The following PARD6G variants were observed in gnomAD, a reference collection of about 807,000 sequenced individuals.
The protein encoded by PARD6G is partitioning defective 6 homolog gamma.
Under a neutral mutation model 10.7 loss-of-function variants are expected in PARD6G, and 7 were observed. The observed-to-expected ratio is 0.66, with a 90% CI of 0.37 to 1.23. The LOEUF is 1.23. Ranked by LOEUF, PARD6G falls within the 50% of genes most tolerant of loss-of-function variation. PARD6G has a pLI of 0.02. For missense variants in PARD6G, 548 were observed against 571.8 expected, an observed-to-expected ratio of 0.96 and a Z score of 0.42; for synonymous variants, 287 against 269.4, an observed-to-expected ratio of 1.07 and a Z score of -0.64.
intron 2 of PARD6G, among the ~76,000 whole-genome samples, chr18:80,163,705 A>C (rs912020418): frequency 1.3e-5 from 2 of 152,244 alleles, no homozygotes; most frequent in African/African-American, 4.8e-5. Context: ...AGAGAAGGGC[A>C]CAGCGGGCCG....
intron 1 of PARD6G, among the ~76,000 whole-genome samples, chr18:80,206,815 T>A (rs1006240546): frequency 2.0e-5 from 3 of 152,260 alleles, no homozygotes; most frequent in Non-Finnish European, 4.4e-5. Flanking sequence ...GGCTAGTGAT[T>A]ATCAATAAAT....
In PARD6G at chr18:80,246,616, TG is replaced by T. The variant is rs1967551878; in HGVS notation, c.72+660del. Among the ~76,000 whole-genome samples, 2 of 6,684 alleles carry T rather than the reference TG, an allele frequency of 3.0e-4. No individual in the cohort carries two copies. Among genetic ancestry groups the T allele is most frequent in the African/African-American group, 1.4e-3 (2 of 1,474 alleles). 4.4% of individuals were successfully genotyped at this position (6,684 alleles called of 152,430 possible). ...CGTCCGGAGGTGGGGGAGTCTGGGG[TG>T]GGGGCGCGCCCGTGGGGGTGGGGTG... is the stretch of plus-strand genomic sequence containing the variant. On this transcript the variant is annotated intron_variant, in intron 1 of 2. Transcript: ENST00000353265. This position sits in a 1 kb window ranked among gnomAD's most constrained non-coding sequence, Gnocchi z 6.7.
chr18:80,237,511 T>C (rs548267446), intron 1 of PARD6G, among the ~76,000 whole-genome samples: 1 of 152,262 alleles, frequency 6.6e-6, no homozygotes, highest in South Asian at 2.1e-4. Context: ...GGGATCTAAT[T>C]AAACTAAAGA....
At chr18:80,160,677 T>C (rs1171952310) in intron 2 of PARD6G, 71 bp from the exon 3 acceptor site, 21 of 1,424,126 alleles carry the variant, frequency 1.5e-5, no homozygotes, top group Non-Finnish European at 1.8e-5. Context: ...GTCATACACC[T>C]GGCACTGCTG....
chr18:80,160,570 A>C lies in PARD6G; in HGVS notation c.332T>G (p.Leu111Arg), dbSNP rs552960512. ...GCCCAGCGCCCGCCTCCGCCTGCACAGCGAGCCCGCGCCGAGGCTGCCACG... is the reference window on the plus strand; with the variant it reads ...GCCCAGCGCCCGCCTCCGCCTGCACCGCGAGCCCGCGCCGAGGCTGCCACG... ...AERGSLGAGS[L>R]CRRRRALGAL... is the part of the protein sequence containing the mutation. The change falls in exon 3 of 3, where the codon CTG (leucine) becomes CGG (arginine). Residue 111 changes from leucine to arginine, a missense_variant. Leu to Arg is a moderately radical substitution (Grantham distance 102). Around this residue, in one of 2 missense-constraint regions of PARD6G, gnomAD observed 235 missense variants for 291.9 expected, o/e 0.81. Transcript: ENST00000353265. The C allele has an allele frequency of 1.1e-4, 163 of 1,465,956 alleles. 3 individuals are homozygous for C. The South Asian group carries it at 2.3e-3, about 20-fold the overall frequency. The allele number at this position is 1,465,956 out of a possible 1,614,324, so 90.8% of individuals were successfully genotyped here.
At chr18:80,221,937 A>G (rs1350130745) in intron 1 of PARD6G, among the ~76,000 whole-genome samples, 15 of 152,228 alleles carry the variant, frequency 9.9e-5, no homozygotes. Context: ...TTCCATTAAC[A>G]ATAGCATTAC....
chr18:80,159,845 G>C lies in PARD6G; in HGVS notation c.1057C>G (p.Arg353Gly), dbSNP rs769483897. The C allele has an allele frequency of 2.7e-6, 4 of 1,497,818 alleles. No homozygotes were observed. The highest frequency in any genetic ancestry group is 1.5e-5 in the African/African-American group (1 of 68,184). The allele number at this position is 1,497,818 out of a possible 1,614,324, so 92.8% of individuals were successfully genotyped here. A position where few individuals can be genotyped will look rare whatever the true frequency, so the allele number is the denominator to read the frequency against. ...GGLQRLLSSL[R>G]ADPRHSLALP... The stretch of plus-strand genomic sequence containing the variant: ...GCCAGGCTGTGACGGGGGTCGGCCC[G>C]CAGGGAGCTGAGCAGCCGCTGGAGG... Residue 353 changes from arginine to glycine, a missense_variant, in exon 3 of 3, where the codon CGG becomes GGG. Transcript: ENST00000353265.
At chr18:80,179,583 T>C (rs1369450400) in intron 2 of PARD6G, among the ~76,000 whole-genome samples, 1 of 152,176 alleles carries the variant, frequency 6.6e-6, no homozygotes, top group Non-Finnish European at 1.5e-5. Context: ...AGCTGTTCCA[T>C]GCAAAGACTT....
At chr18:80,168,624 C>CTTT (rs958609718) in intron 2 of PARD6G, among the ~76,000 whole-genome samples, 1 of 137,150 alleles carries the variant, frequency 7.3e-6, no homozygotes, top group Non-Finnish European at 1.6e-5. Flanking sequence ...TATGTATAAA[C>CTTT]TTTTTTTTTT....
chr18:80,195,958 T>C (rs1966952949), intron 2 of PARD6G, among the ~76,000 whole-genome samples: 1 of 151,772 alleles, frequency 6.6e-6, no homozygotes. Flanking sequence ...AAAAGAGTGG[T>C]CCCCTGGCAA....
In PARD6G at chr18:80,159,944, C is replaced by T. The variant is rs1343916360; in HGVS notation, c.958G>A (p.Ala320Thr). Residue 320 changes from alanine to threonine, a missense_variant, in exon 3 of 3, where the codon GCA becomes ACA. Physicochemically the swap from Ala to Thr is moderately conservative, Grantham distance 58. This residue lies in a region of PARD6G where 313 missense variants were observed against 279.9 expected (regional missense o/e 1.12). Coordinates refer to ENST00000353265, the MANE Select transcript of PARD6G (RefSeq NM_032510.4). ...ARPPQTPGAP[A>T]GSLSRVNGAG... Reference sequence around the variant, plus strand: ...CCATTGACCCGGGAGAGGCTGCCTGCGGGCGCGCCCGGGGTCTGGGGGGGA... The same window carrying T: ...CCATTGACCCGGGAGAGGCTGCCTGTGGGCGCGCCCGGGGTCTGGGGGGGA... 2 of 1,495,554 alleles carry T rather than the reference C, an allele frequency of 1.3e-6. No homozygotes were observed. Among genetic ancestry groups the T allele is most frequent in the East Asian group, 2.5e-5 (1 of 39,240 alleles). 92.6% of individuals were successfully genotyped at this position (1,495,554 alleles called of 1,614,324 possible).
rs1418572110 is a variant in PARD6G at position 80,157,462 on chromosome 18, G to C, written c.*2309C>G. ...ATTTCTTAAAAAAAAACTCACATTTGCTTAACAACTTAAAATGTGATAAGA... is the reference window on the plus strand; with the variant it reads ...ATTTCTTAAAAAAAAACTCACATTTCCTTAACAACTTAAAATGTGATAAGA... On this transcript the variant is annotated 3_prime_UTR_variant, in exon 3 of 3. Transcript: ENST00000353265. 2.0e-5 allele frequency: 3 copies of C among 152,090 alleles called. No homozygotes were observed. The highest frequency in any genetic ancestry group is 2.0e-4 in the Admixed American group (3 of 15,280). The allele number at this position is 152,090 out of a possible 1,614,324, so 9.4% of individuals were successfully genotyped here. A position where few individuals can be genotyped will look rare whatever the true frequency, so the allele number is the denominator to read the frequency against.
chr18:80,201,176 A>C lies in PARD6G; in HGVS notation c.295+1534T>G, dbSNP rs1398726768. Among the ~76,000 whole-genome samples the C allele has an allele frequency of 6.6e-6, 1 of 152,178 alleles. No individual in the cohort carries two copies. Among genetic ancestry groups the C allele is most frequent in the Non-Finnish European group, 1.5e-5 (1 of 68,026 alleles). The stretch of plus-strand genomic sequence containing the variant: ...CAGAGGAAGCCGAGTAAGAGGACAG[A>C]GGACGACAGGCAGAGGGGAACACGG... On this transcript the variant is annotated intron_variant, in intron 2 of 2. Coordinates refer to ENST00000353265, the MANE Select transcript of PARD6G (RefSeq NM_032510.4). The surrounding 1 kb of genome is among the most constrained non-coding windows in gnomAD (Gnocchi z 5.9).
Position 80,202,891 on chromosome 18 carries a change from C to T in PARD6G, c.114G>A (p.Lys38=). 1 of 1,598,950 alleles carries T rather than the reference C, an allele frequency of 6.3e-7. No homozygotes were observed. Among genetic ancestry groups the T allele is most frequent in the Non-Finnish European group, 8.5e-7 (1 of 1,177,474 alleles). The change falls in exon 2 of 3, where the codon AAG becomes AAA. Residue 38 remains lysine (K), a synonymous_variant. Transcript: ENST00000353265. The part of the protein sequence containing the change: ...EFRRFSLDRH[K]PGKFEDFYKL... ...TGTAGAAATCTTCAAACTTCCCAGGCTTATGACGGTCCAGAGAGAACCTTC... is the reference window on the plus strand; with the variant it reads ...TGTAGAAATCTTCAAACTTCCCAGGTTTATGACGGTCCAGAGAGAACCTTC...
chr18:80,207,592 C>T (rs1210571333), intron 1 of PARD6G, among the ~76,000 whole-genome samples: 1 of 152,148 alleles, frequency 6.6e-6, no homozygotes, highest in Admixed American at 6.5e-5. Flanking sequence ...CAATCTATTT[C>T]ATTTATAATT....
intron 2 of PARD6G, among the ~76,000 whole-genome samples, chr18:80,195,572 T>TATATATATATATATATATACAC (rs894731117): frequency 1.1e-5 from 1 of 87,336 alleles, no homozygotes; most frequent in African/African-American, 5.9e-5. Flanking sequence ...TATATATATA[T>TATATATATATATATATATACAC]ACACACATTT....
At chr18:80,212,031 G>A (rs1428015176) in intron 1 of PARD6G, among the ~76,000 whole-genome samples, 2 of 152,112 alleles carry the variant, frequency 1.3e-5, no homozygotes, top group Non-Finnish European at 2.9e-5. Flanking sequence ...TTCATTCAAT[G>A]TTATTTCACT....
Position 80,192,524 on chromosome 18 carries a change from A to C in PARD6G, c.295+10186T>G, listed in dbSNP as rs994018237. ...CAGGGGACGGGGGAGAGCAGGTGCC[A>C]CGGCGGGAGCCCAGGGGATGGGGGA... On this transcript the variant is annotated intron_variant, in intron 2 of 2. Coordinates refer to ENST00000353265, the MANE Select transcript of PARD6G (RefSeq NM_032510.4). The surrounding 1 kb of genome is among the most constrained non-coding windows in gnomAD (Gnocchi z 4.9). Among the ~76,000 whole-genome samples the C allele has an allele frequency of 3.4e-5, 5 of 147,228 alleles. No homozygotes were observed. Among genetic ancestry groups the C allele is most frequent in the Admixed American group, 3.3e-4 (5 of 14,984 alleles).
At chr18:80,245,070 T>C (rs1967529908) in intron 1 of PARD6G, among the ~76,000 whole-genome samples, 1 of 152,152 alleles carries the variant, frequency 6.6e-6, no homozygotes, top group African/African-American at 2.4e-5. Flanking sequence ...ATCTGCTGCA[T>C]CTGAACTTGA....
Sources: gnomAD v4.1 joint callset for allele counts (sites outside exome capture counted in the v4.1 genomes callset) on GRCh38, gnomAD v4.1.1 for gene constraint, gnomAD v4.1.1 regional missense constraint, Gnocchi (gnomAD v3.1) non-coding constraint, MANE v1.5 for transcripts, NCBI Gene and HGNC (gene_info 2026-07-23, HGNC 2026-07-21) for gene names.